NEURL3: variants seen among roughly 807,000 people sequenced by gnomAD.
The protein encoded by NEURL3 is E3 ubiquitin-protein ligase NEURL3.
Under a neutral mutation model 17.6 loss-of-function variants are expected in NEURL3, and 19 were observed. That is an observed-to-expected ratio of 1.08 (90% CI 0.75 to 1.58). NEURL3 has a LOEUF of 1.58. Among genes scored for constraint, NEURL3 ranks in the 40% most tolerant of loss-of-function variants. The pLI is 0.00. For synonymous variants in NEURL3, 180 were observed against 161.4 expected (o/e 1.11, Z -0.87); for missense variants, 342 against 379.6 (o/e 0.90, Z 0.82).
upstream of NEURL3, among the ~76,000 whole-genome samples, chr2:96,505,979 G>C (rs2065557735): frequency 6.6e-6 from 1 of 152,196 alleles, no homozygotes; most frequent in South Asian, 2.1e-4. Flanking sequence ...CCTACAGACA[G>C]TCACTGCAAA....
Position 96,500,420 on chromosome 2 carries a change from G to C in NEURL3, c.514+19C>G, listed in dbSNP as rs756000852. 2 of 1,596,552 alleles carry C rather than the reference G, an allele frequency of 1.3e-6. No individual in the cohort carries two copies. The highest frequency in any genetic ancestry group is 2.7e-5 in the African/African-American group (2 of 74,876). On this transcript the variant is annotated intron_variant, in intron 2 of 3. Coordinates refer to ENST00000451794, the MANE Select transcript of NEURL3 (RefSeq NM_001285485.2). ...CCCATCTCCCCACCTCCCCTGCGGG[G>C]TCCCCATGGTCGCCTCACCCAGCAG...
intron 1 of NEURL3, 92 bp from the exon 2 acceptor site, chr2:96,501,016 C>T: frequency 7.2e-7 from 1 of 1,389,242 alleles, no homozygotes; most frequent in Non-Finnish European, 9.3e-7. Flanking sequence ...TCCCTCACAC[C>T]TGGGAGCACC....
At chr2:96,501,346 C>A (rs1381773052) in intron 1 of NEURL3, among the ~76,000 whole-genome samples, 1 of 152,040 alleles carries the variant, frequency 6.6e-6, no homozygotes, top group African/African-American at 2.4e-5. Context: ...TGAGCCACTG[C>A]GCCCAGCCCA....
intron 1 of NEURL3, among the ~76,000 whole-genome samples, chr2:96,503,446 G>A (rs1456358941): frequency 6.6e-6 from 1 of 152,178 alleles, no homozygotes; most frequent in Non-Finnish European, 1.5e-5. Flanking sequence ...TGCTCACTCA[G>A]GCTCCACCCC....
In NEURL3 at chr2:96,500,558, C is replaced by T. The variant is rs1481871292; in HGVS notation, c.395G>A (p.Cys132Tyr). Residue 132 changes from cysteine to tyrosine, a missense_variant, in exon 2 of 4, where the codon TGC (cysteine) becomes TAC (tyrosine). Coordinates refer to ENST00000451794, the MANE Select transcript of NEURL3 (RefSeq NM_001285485.2). ...LVRFWVDRRG[C>Y]LFAKVNAGCR... is the part of the protein sequence containing the mutation. ...GCCGGCGTTGACCTTGGCGAAGAGG[C>T]AGCCGCGGCGGTCCACCCAGAAGCG... is the stretch of plus-strand genomic sequence containing the variant. 6.4e-7 allele frequency: 1 copy of T among 1,555,520 alleles called. No homozygotes were observed. The highest frequency in any genetic ancestry group is 1.2e-5 in the South Asian group (1 of 85,550).
At chr2:96,502,644 G>C (rs1448232335) in intron 1 of NEURL3, among the ~76,000 whole-genome samples, 1 of 152,278 alleles carries the variant, frequency 6.6e-6, no homozygotes, top group Non-Finnish European at 1.5e-5. Context: ...GAGGGCAGAG[G>C]CCAGCCCTTT....
intron 3 of NEURL3, 118 bp downstream of exon 3, chr2:96,499,260 C>T (rs941284313): frequency 2.7e-6 from 4 of 1,473,812 alleles, no homozygotes; most frequent in Non-Finnish European, 3.6e-6. Flanking sequence ...AGAGCCAAAT[C>T]TTTTGGCCCA....
chr2:96,500,803 G>A lies in NEURL3; in HGVS notation c.150C>T (p.Phe50=), dbSNP rs1181835824. Residue 50 remains phenylalanine (F), a synonymous_variant, in exon 2 of 4, where the codon TTC becomes TTT. Coordinates refer to ENST00000451794, the MANE Select transcript of NEURL3 (RefSeq NM_001285485.2). ...CGCCCAGGCGCACCGGCCGCTGGCT[G>A]AACACGATGCCGTCGTGGAACGTGG... is the stretch of plus-strand genomic sequence containing the variant. ...RRTTFHDGIV[F]SQRPVRLGER... is the part of the protein sequence containing the mutation. The A allele has an allele frequency of 1.3e-6, 2 of 1,526,954 alleles. No individual in the cohort carries two copies. Among genetic ancestry groups the A allele is most frequent in the Non-Finnish European group, 1.8e-6 (2 of 1,142,388 alleles). The allele number at this position is 1,526,954 out of a possible 1,614,324, so 94.6% of individuals were successfully genotyped here.
intron 2 of NEURL3, chr2:96,499,984 G>T: frequency 5.2e-6 from 1 of 192,796 alleles, no homozygotes. Context: ...ACCTTCTTCT[G>T]GGGTGGCTAA....
chr2:96,499,452 G>A lies in NEURL3; in HGVS notation c.515-3C>T. On this transcript the variant is annotated splice_region_variant and splice_polypyrimidine_tract_variant and intron_variant, in intron 2 of 3. Coordinates refer to ENST00000451794, the MANE Select transcript of NEURL3 (RefSeq NM_001285485.2). ...TGGGAGCCGGCTGGCTGTGGGATCTGAGGCAGAGAGAGAAACTCAGGTCCA... is the reference window on the plus strand; with the variant it reads ...TGGGAGCCGGCTGGCTGTGGGATCTAAGGCAGAGAGAGAAACTCAGGTCCA... 6.3e-7 allele frequency: 1 copy of A among 1,599,486 alleles called. No individual in the cohort carries two copies. Among genetic ancestry groups the A allele is most frequent in the Non-Finnish European group, 8.5e-7 (1 of 1,179,760 alleles).
upstream of NEURL3, among the ~76,000 whole-genome samples, chr2:96,507,340 T>G (rs555365467): frequency 9.2e-5 from 14 of 152,346 alleles, no homozygotes; most frequent in Admixed American, 3.3e-4. Flanking sequence ...TGAAATAAAT[T>G]TGTGTGCTTT....
chr2:96,502,495 G>A (rs967205959), intron 1 of NEURL3, among the ~76,000 whole-genome samples: 3 of 152,206 alleles, frequency 2.0e-5, no homozygotes, highest in East Asian at 1.9e-4. Context: ...ACCTACAAAC[G>A]GCAGTGAAGT....
intron 1 of NEURL3, among the ~76,000 whole-genome samples, chr2:96,503,327 C>A (rs1292299620): frequency 4.6e-5 from 7 of 152,160 alleles, no homozygotes; most frequent in African/African-American, 1.7e-4. Flanking sequence ...TCTCAGCAGC[C>A]CTGTATGGAG....
chr2:96,506,629 G>A (rs117082015), upstream of NEURL3, among the ~76,000 whole-genome samples: 24 of 152,394 alleles, frequency 1.6e-4, no homozygotes, highest in African/African-American at 4.8e-4. Context: ...GTGACTGCTC[G>A]GCTAAGGGAT....
chr2:96,499,584 T>A, intron 2 of NEURL3, 135 bp from the exon 3 acceptor site: 1 of 711,382 alleles, frequency 1.4e-6, no homozygotes, highest in Admixed American at 2.4e-5. Flanking sequence ...TCCCCAAATT[T>A]TAAGACCCTG....
At chr2:96,506,548 C>T (rs2579504), upstream of NEURL3, among the ~76,000 whole-genome samples, 1,055 of 152,344 alleles carry the variant, frequency 6.9e-3, 9 homozygotes, top group Middle Eastern at 0.014. Flanking sequence ...GGGTTTGGAG[C>T]CTTGTGAGTG....
Position 96,500,911 on chromosome 2 carries a change from G to C in NEURL3, c.42C>G (p.Pro14=). Reference sequence around the variant, plus strand: ...CGGCATGGAAGCGAAGTGCCTCTCGGGGCGCCTTGGCGTCTGTGGGTTGAG... The same window carrying C: ...CGGCATGGAAGCGAAGTGCCTCTCGCGGCGCCTTGGCGTCTGTGGGTTGAG... ...QLCFEANAKA[P]REALRFHAEA... The change falls in exon 2 of 4, where the codon CCC becomes CCG. Residue 14 remains proline (P), a synonymous_variant. Coordinates refer to ENST00000451794, the MANE Select transcript of NEURL3 (RefSeq NM_001285485.2). 2 of 1,565,250 alleles carry C rather than the reference G, an allele frequency of 1.3e-6. No individual in the cohort carries two copies.
At chr2:96,499,144 G>A in intron 3 of NEURL3, 1 of 1,293,902 alleles carries the variant, frequency 7.7e-7, no homozygotes, top group Non-Finnish European at 9.9e-7. Context: ...TTTAAAGCAA[G>A]AACAAAATAA....
At chr2:96,499,091 T>C (rs2065471919) in intron 3 of NEURL3, 2 of 1,021,568 alleles carry the variant, frequency 2.0e-6, no homozygotes, top group Non-Finnish European at 2.6e-6. Context: ...CCTTTCATCT[T>C]TATTTCCATT....
Sources: allele counts gnomAD v4.1 joint callset (sites outside exome capture counted in the v4.1 genomes callset), GRCh38; gene constraint gnomAD v4.1.1; transcripts MANE v1.5; gene names NCBI Gene and HGNC (gene_info 2026-07-23, HGNC 2026-07-21).